NHSL2: variants seen among roughly 807,000 people sequenced by gnomAD.
NHSL2 encodes NHS like 2.
A neutral mutation model predicts 53.4 loss-of-function variants in NHSL2; 27 were observed. The ratio of observed to expected loss-of-function variants is 0.51; its 90% CI spans 0.37 to 0.70. The LOEUF (loss-of-function observed/expected upper bound fraction) is 0.70. NHSL2 is among the 30% of genes least tolerant of loss of function. NHSL2 has a pLI of 0.00. For synonymous variants in NHSL2, 408 were observed against 404.1 expected (o/e 1.01, Z -0.12); for missense variants, 892 against 980.1 (o/e 0.91, Z 1.20).
chrX:72,112,362 A>T (rs750828377), intron 1 of NHSL2, among the ~76,000 whole-genome samples: 14 of 112,062 alleles, frequency 1.2e-4, no homozygotes, highest in Non-Finnish European at 2.4e-4. Flanking sequence ...CTCACATACC[A>T]TGCAATTCAC....
At chrX:72,038,819 A>G (rs2042255139) in intron 1 of NHSL2, among the ~76,000 whole-genome samples, 1 of 111,803 alleles carries the variant, frequency 8.9e-6, no homozygotes, top group African/African-American at 3.3e-5. Context: ...AAGAGATAAA[A>G]TAGGACATAA....
chrX:72,069,728 C>CTCTCACCA, intron 1 of NHSL2: 1 of 932,414 alleles, frequency 1.1e-6, no homozygotes, highest in Non-Finnish European at 1.3e-6. Flanking sequence ...GGAGTAAAAG[C>CTCTCACCA]CAAAGCAGGA....
At chrX:72,106,005 C>T (rs1301564120) in intron 1 of NHSL2, among the ~76,000 whole-genome samples, 3 of 110,557 alleles carry the variant, frequency 2.7e-5, no homozygotes, top group South Asian at 3.8e-4. Context: ...GTCAGGAGAT[C>T]GAGACCATCC....
chrX:72,014,881 T>C (rs1325780019), intron 1 of NHSL2, among the ~76,000 whole-genome samples: 3 of 109,645 alleles, frequency 2.7e-5, no homozygotes, highest in Non-Finnish European at 5.7e-5. Flanking sequence ...CTCAGCCTTC[T>C]CTGACTTCAC....
chrX:72,131,212 T>C, intron 1 of NHSL2: 1 of 1,201,856 alleles, frequency 8.3e-7, no homozygotes, highest in Non-Finnish European at 1.1e-6. Context: ...GGTGCTGCGA[T>C]CCTGGATCAC....
chrX:72,067,938 G>A (rs187991451), intron 1 of NHSL2, among the ~76,000 whole-genome samples: 221 of 112,343 alleles, frequency 2.0e-3, no homozygotes, highest in Non-Finnish European at 3.6e-3. Context: ...GTTCCTAGCA[G>A]GGGTAATATT....
At chrX:72,069,195 C>T (rs759194549) in intron 1 of NHSL2, among the ~76,000 whole-genome samples, 19 of 111,982 alleles carry the variant, frequency 1.7e-4, no homozygotes, top group Admixed American at 1.5e-3. Context: ...AGCCAGCGAG[C>T]GGCAGCAGGA....
At chrX:72,047,331 T>A (rs2042310940) in intron 1 of NHSL2, among the ~76,000 whole-genome samples, 1 of 112,327 alleles carries the variant, frequency 8.9e-6, no homozygotes, top group Non-Finnish European at 1.9e-5. Flanking sequence ...ACCTATTGTG[T>A]TTCCCAGTTT....
chrX:71,981,185 A>G (rs796293816), intron 1 of NHSL2, among the ~76,000 whole-genome samples: 1 of 112,512 alleles, frequency 8.9e-6, no homozygotes, highest in South Asian at 3.6e-4. Flanking sequence ...CTTTATGAAA[A>G]GTAAAAAACT....
chrX:71,960,750 G>A (rs1299665533), intron 1 of NHSL2, among the ~76,000 whole-genome samples: 1 of 111,893 alleles, frequency 8.9e-6, no homozygotes, highest in African/African-American at 3.2e-5. Context: ...CTTTCTTTAT[G>A]CCAGTACCAT....
intron 1 of NHSL2, among the ~76,000 whole-genome samples, chrX:71,976,533 T>G (rs1434588834): frequency 1.8e-5 from 2 of 112,031 alleles, no homozygotes; most frequent in African/African-American, 6.5e-5. Flanking sequence ...AAGACCCTCT[T>G]GATCTGGCTT....
At chrX:72,044,077 C>G (rs1198015632) in intron 1 of NHSL2, among the ~76,000 whole-genome samples, 1 of 111,757 alleles carries the variant, frequency 8.9e-6, no homozygotes, top group African/African-American at 3.3e-5. Flanking sequence ...GGGACATGGC[C>G]AGTGCTGTGG....
chrX:71,932,027 G>A (rs1370296985), intron 1 of NHSL2, among the ~76,000 whole-genome samples: 1 of 112,389 alleles, frequency 8.9e-6, no homozygotes, highest in East Asian at 2.8e-4. Flanking sequence ...GCCAGACACT[G>A]TGCCAGGTGC....
At chrX:72,099,070 C>T (rs1175533968) in intron 1 of NHSL2, among the ~76,000 whole-genome samples, 1 of 111,867 alleles carries the variant, frequency 8.9e-6, no homozygotes, top group Non-Finnish European at 1.9e-5. Flanking sequence ...CATATCATCC[C>T]CTTGTGTAGA....
At chrX:72,066,361 G>C (rs986501794) in intron 1 of NHSL2, among the ~76,000 whole-genome samples, 6 of 111,634 alleles carry the variant, frequency 5.4e-5, no homozygotes, top group Non-Finnish European at 1.1e-4. Flanking sequence ...AGATAGACGG[G>C]GGTCCAAAAC....
intron 4 of NHSL2, among the ~76,000 whole-genome samples, chrX:72,136,188 C>T (rs2042354727): frequency 9.0e-6 from 1 of 111,358 alleles, no homozygotes; most frequent in East Asian, 2.8e-4. Context: ...GCCCCACCAC[C>T]CTGCCTTGCC....
chrX:72,127,910 A>G (rs1340224514), intron 1 of NHSL2: 1 of 112,826 alleles, frequency 8.9e-6, no homozygotes, highest in Non-Finnish European at 1.9e-5. Flanking sequence ...TTGACAAGAC[A>G]TAGCAAGAAC....
At chrX:72,135,685 G>A (rs2042350384) in intron 4 of NHSL2, among the ~76,000 whole-genome samples, 1 of 112,101 alleles carries the variant, frequency 8.9e-6, no homozygotes. Context: ...TATACCAAAA[G>A]GAGTGAGGGC....
chrX:72,071,782 G>A (rs1356685846), intron 1 of NHSL2, among the ~76,000 whole-genome samples: 2 of 111,678 alleles, frequency 1.8e-5, no homozygotes, highest in East Asian at 2.8e-4. Context: ...TAGCATCCTG[G>A]TAGTCATCCT....
Sources: allele counts gnomAD v4.1 joint callset (sites outside exome capture counted in the v4.1 genomes callset), GRCh38; gene constraint gnomAD v4.1.1; transcripts MANE v1.5; gene names NCBI Gene and HGNC (gene_info 2026-07-23, HGNC 2026-07-21).